Variants in ZFHX3 observed in about 807,000 individuals in gnomAD.
The protein encoded by ZFHX3 is zinc finger homeobox 3.
ZFHX3 carries 42 observed loss-of-function variants against 279.1 expected under a neutral mutation model. The ratio of observed to expected loss-of-function variants is 0.15; its 90% CI spans 0.12 to 0.19. The LOEUF (loss-of-function observed/expected upper bound fraction) is 0.19. Ranked by LOEUF, ZFHX3 falls within the 10% of genes least tolerant of loss-of-function variation. ZFHX3 has a pLI of 1.00. For missense variants in ZFHX3, 4,981 were observed against 4,754.0 expected, an observed-to-expected ratio of 1.05 and a Z score of -1.40; for synonymous variants, 2,293 against 1,957.8, an observed-to-expected ratio of 1.17 and a Z score of -4.52.
At chr16:72,909,143 T>C (rs1160789484) in intron 3 of ZFHX3, among the ~76,000 whole-genome samples, 1 of 152,212 alleles carries the variant, frequency 6.6e-6, no homozygotes, top group Admixed American at 6.5e-5. Flanking sequence ...GAAAAGCGGT[T>C]TGGGGAGAAT....
At chr16:73,682,906 G>GAAAAGAAAGAA (rs1323501382) in intron 1 of ZFHX3, among the ~76,000 whole-genome samples, 3 of 28,704 alleles carry the variant, frequency 1.0e-4, no homozygotes, top group African/African-American at 2.5e-4. Flanking sequence ...AAGAAAGAAA[G>GAAAAGAAAGAA]AGAAAGAAAG....
At chr16:73,276,973 A>G (rs2014318111) in intron 4 of ZFHX3, among the ~76,000 whole-genome samples, 1 of 152,260 alleles carries the variant, frequency 6.6e-6, no homozygotes, top group Non-Finnish European at 1.5e-5. Context: ...AGACATGGAC[A>G]AAATGCCATG....
intron 3 of ZFHX3, among the ~76,000 whole-genome samples, chr16:73,398,492 GT>G (rs1227122795): frequency 3.3e-5 from 5 of 152,162 alleles, no homozygotes; most frequent in Non-Finnish European, 7.3e-5. Flanking sequence ...CATGATAGCT[GT>G]TTGTTAAATT....
chr16:72,992,823 G>C (rs936433603), intron 1 of ZFHX3, among the ~76,000 whole-genome samples: 1 of 152,226 alleles, frequency 6.6e-6, no homozygotes, highest in African/African-American at 2.4e-5. Context: ...AGGCACCAAA[G>C]AGCCTTCGAG....
chr16:72,895,732 G>A (rs1467314636), intron 3 of ZFHX3, among the ~76,000 whole-genome samples: 1 of 152,354 alleles, frequency 6.6e-6, no homozygotes, highest in Non-Finnish European at 1.5e-5. Context: ...GCTGAGGCAG[G>A]AGGATCACTT....
intron 8 of ZFHX3, among the ~76,000 whole-genome samples, chr16:73,082,854 C>A (rs1368391506): frequency 6.6e-6 from 1 of 151,896 alleles, no homozygotes. Context: ...GTAGTAATGG[C>A]CAAAGAGACA....
chr16:73,338,574 ATCGAT>A (rs1197300495), intron 3 of ZFHX3, among the ~76,000 whole-genome samples: 4 of 152,074 alleles, frequency 2.6e-5, no homozygotes, highest in Admixed American at 1.3e-4. Context: ...CCGAAATATG[ATCGAT>A]TCGATGGAAT....
At chr16:73,070,686 C>G (rs924568716) in intron 8 of ZFHX3, among the ~76,000 whole-genome samples, 1 of 151,714 alleles carries the variant, frequency 6.6e-6, no homozygotes, top group African/African-American at 2.4e-5. Flanking sequence ...CGTGACCAAT[C>G]CAGAAGGAAA....
intron 5 of ZFHX3, among the ~76,000 whole-genome samples, chr16:73,147,857 G>A (rs1038527197): frequency 5.9e-5 from 9 of 152,210 alleles, no homozygotes; most frequent in African/African-American, 1.9e-4. Context: ...CGGTGACAGA[G>A]CGAGATCCTC....
intron 1 of ZFHX3, among the ~76,000 whole-genome samples, chr16:73,700,898 G>A (rs2053239944): frequency 6.6e-6 from 1 of 152,142 alleles, no homozygotes; most frequent in Non-Finnish European, 1.5e-5. Context: ...GCCTTATTGT[G>A]AGCAACATCT....
intron 1 of ZFHX3, among the ~76,000 whole-genome samples, chr16:73,878,145 T>A (rs1420521094): frequency 6.6e-6 from 1 of 152,084 alleles, no homozygotes; most frequent in Non-Finnish European, 1.5e-5. Flanking sequence ...TGGCACCTTT[T>A]TCTAACATCA....
At chr16:72,928,227 G>GGAGCGAGAGA (rs1959594359) in intron 3 of ZFHX3, among the ~76,000 whole-genome samples, 1 of 77,884 alleles carries the variant, frequency 1.3e-5, no homozygotes, top group African/African-American at 5.3e-5. Flanking sequence ...GGAGCGAGGG[G>GGAGCGAGAGA]GAGCGAGAGA....
intron 2 of ZFHX3, among the ~76,000 whole-genome samples, chr16:73,611,586 C>A (rs1233686402): frequency 1.7e-4 from 26 of 152,178 alleles, no homozygotes; most frequent in Admixed American, 1.7e-3. Flanking sequence ...TAAGCAACCA[C>A]ATACTCTTCT....
intron 1 of ZFHX3, among the ~76,000 whole-genome samples, chr16:73,036,660 TG>T (rs1480855859): frequency 2.0e-5 from 3 of 151,250 alleles, no homozygotes; most frequent in Non-Finnish European, 4.4e-5. Flanking sequence ...GGAGGGGGAC[TG>T]GGTGTATCAG....
At chr16:73,249,749 T>C (rs1276163228) in intron 5 of ZFHX3, among the ~76,000 whole-genome samples, 2 of 150,626 alleles carry the variant, frequency 1.3e-5, no homozygotes, top group African/African-American at 4.9e-5. Flanking sequence ...CTTCAGCAAA[T>C]AGTACTGACA....
chr16:73,563,510 G>C (rs550444626), intron 2 of ZFHX3, among the ~76,000 whole-genome samples: 2 of 152,070 alleles, frequency 1.3e-5, no homozygotes, highest in East Asian at 3.9e-4. Flanking sequence ...GCCCGCCTCA[G>C]CCTCCCTGAA....
At chr16:73,449,307 T>C (rs1039419639) in intron 3 of ZFHX3, among the ~76,000 whole-genome samples, 3 of 152,220 alleles carry the variant, frequency 2.0e-5, no homozygotes, top group Non-Finnish European at 2.9e-5. Flanking sequence ...ATAAAGGTAA[T>C]AGACATTCTT....
At position 72,958,152 on chromosome 16, in the gene ZFHX3, C is replaced by G; in HGVS notation, c.1994G>C (p.Arg665Pro). ...GCACTTGAGTGTCTTACACGAGTTA[C>G]GAGAATGCATCATGGTCATGTGGCC... The part of the protein sequence containing the change: ...LGGHMTMMHS[R>P]NSCKTLKCPK... The change falls in exon 2 of 10, where the codon CGT (arginine) becomes CCT (proline). Residue 665 changes from arginine to proline, a missense_variant. Around this residue, in one of 7 missense-constraint regions of ZFHX3, gnomAD observed 1,068 missense variants for 935.2 expected, o/e 1.14. Coordinates refer to ENST00000268489, the MANE Select transcript of ZFHX3 (RefSeq NM_006885.4). 1.2e-6 allele frequency: 2 copies of G among 1,614,084 alleles called. No homozygotes were observed. Among genetic ancestry groups the G allele is most frequent in the East Asian group, 4.5e-5 (2 of 44,850 alleles).
At chr16:72,987,313 C>G (rs1044584770) in intron 1 of ZFHX3, among the ~76,000 whole-genome samples, 2 of 152,222 alleles carry the variant, frequency 1.3e-5, no homozygotes, top group Non-Finnish European at 2.9e-5. Context: ...TTCAAAACAA[C>G]ATTTGCAATT....
Sources: allele counts gnomAD v4.1 joint callset (sites outside exome capture counted in the v4.1 genomes callset), GRCh38; gene constraint gnomAD v4.1.1; regional missense constraint gnomAD v4.1.1; transcripts MANE v1.5; gene names NCBI Gene and HGNC (gene_info 2026-07-23, HGNC 2026-07-21).